The following TRPS1 variants were observed in gnomAD, a reference collection of about 807,000 sequenced individuals.
TRPS1 encodes transcriptional repressor GATA binding 1, also known as zinc finger transcription factor Trps1.
Under a neutral mutation model 101.2 loss-of-function variants are expected in TRPS1, and 6 were observed. That is an observed-to-expected ratio of 0.06 (90% confidence interval 0.03 to 0.12). The LOEUF is 0.12. Ranked by LOEUF, TRPS1 falls within the 10% of genes least tolerant of loss-of-function variation. The pLI, the probability that TRPS1 is intolerant of heterozygous loss-of-function variation, is 1.00. For synonymous variants in TRPS1, 578 were observed against 589.8 expected, an observed-to-expected ratio of 0.98 and a Z score of 0.29; for missense variants, 1,363 against 1,567.0, an observed-to-expected ratio of 0.87 and a Z score of 2.20.
At chr8:115,510,520 G>T (rs1328654955) in intron 5 of TRPS1, among the ~76,000 whole-genome samples, 1 of 151,878 alleles carries the variant, frequency 6.6e-6, no homozygotes, top group Non-Finnish European at 1.5e-5. Context: ...GGCTTCGTCT[G>T]TTAGACCCCC....
At chr8:115,544,948 C>G (rs559226100) in intron 5 of TRPS1, among the ~76,000 whole-genome samples, 1 of 152,090 alleles carries the variant, frequency 6.6e-6, no homozygotes, top group Non-Finnish European at 1.5e-5. Context: ...AAAATTCATA[C>G]TAATAAATAC....
intron 5 of TRPS1, among the ~76,000 whole-genome samples, chr8:115,568,740 T>C (rs1817132422): frequency 6.6e-6 from 1 of 152,110 alleles, no homozygotes; most frequent in Non-Finnish European, 1.5e-5. Flanking sequence ...TTACATAACT[T>C]CAACCATATC....
intron 5 of TRPS1, among the ~76,000 whole-genome samples, chr8:115,568,759 C>T (rs778210443): frequency 2.0e-5 from 3 of 152,062 alleles, no homozygotes; most frequent in Non-Finnish European, 4.4e-5. Context: ...TCAGCAAATA[C>T]ACTTCTTTTA....
chr8:115,577,108 AC>A (rs1817336021), intron 5 of TRPS1, among the ~76,000 whole-genome samples: 1 of 152,202 alleles, frequency 6.6e-6, no homozygotes, highest in Non-Finnish European at 1.5e-5. Context: ...GATTTTGCAA[AC>A]AAATATACTT....
Position 115,476,005 on chromosome 8 carries a change from C to CTTTTTTTT in TRPS1, c.2701-57561_2701-57554dup, listed in dbSNP as rs1169514340. Among the ~76,000 whole-genome samples, 12 of 40,666 alleles carry CTTTTTTTT rather than the reference C, an allele frequency of 3.0e-4. 2 individuals are homozygous for CTTTTTTTT. The highest frequency in any genetic ancestry group is 1.2e-3 in the East Asian group (1 of 802). The allele number at this position is 40,666 out of a possible 152,430, so 26.7% of individuals were successfully genotyped here. A position where few individuals can be genotyped will look rare whatever the true frequency, so the allele number is the denominator to read the frequency against. Reference sequence around the variant, plus strand: ...AAGAGGTGTTCAGAAAATATACTTTCTTTTTTTTTTTTTTTTTTTTTTTTT... The same window carrying CTTTTTTTT: ...AAGAGGTGTTCAGAAAATATACTTTCTTTTTTTTTTTTTTTTTTTTTTTTTTTTTTTTT... On this transcript the variant is annotated intron_variant, in intron 5 of 6. Coordinates refer to ENST00000395715, the MANE Select transcript of TRPS1 (RefSeq NM_014112.5).
chr8:115,608,892 C>T (rs1419699261), intron 3 of TRPS1, among the ~76,000 whole-genome samples: 1 of 147,352 alleles, frequency 6.8e-6, no homozygotes, highest in East Asian at 1.9e-4. Context: ...GTCACCCAGG[C>T]TGGAGTGCAA....
chr8:115,589,807 A>T (rs1173612447), intron 4 of TRPS1, among the ~76,000 whole-genome samples: 1 of 152,158 alleles, frequency 6.6e-6, no homozygotes, highest in East Asian at 1.9e-4. Flanking sequence ...GCTCATCTAC[A>T]AAAGCTTCTT....
chr8:115,528,253 C>T (rs1816048297), intron 5 of TRPS1, among the ~76,000 whole-genome samples: 2 of 152,144 alleles, frequency 1.3e-5, no homozygotes, highest in African/African-American at 2.4e-5. Flanking sequence ...CCCCTTTGTA[C>T]ATAACTATAA....
At chr8:115,453,118 T>C (rs866815825) in intron 5 of TRPS1, among the ~76,000 whole-genome samples, 2 of 151,522 alleles carry the variant, frequency 1.3e-5, no homozygotes, top group South Asian at 4.2e-4. Flanking sequence ...GCCTCCTGGG[T>C]TCAAGCAATT....
chr8:115,638,578 TG>T (rs939130423), intron 1 of TRPS1, among the ~76,000 whole-genome samples: 2 of 152,156 alleles, frequency 1.3e-5, no homozygotes, highest in African/African-American at 4.8e-5. Context: ...AAAGCAAATC[TG>T]GGCAAAACTA....
At chr8:115,539,733 C>G (rs1816406257) in intron 5 of TRPS1, among the ~76,000 whole-genome samples, 1 of 152,126 alleles carries the variant, frequency 6.6e-6, no homozygotes, top group Admixed American at 6.6e-5. Flanking sequence ...TGGCACACAC[C>G]TGTAGTCTCA....
At chr8:115,491,710 A>AAAGCAAGC (rs1024081079) in intron 5 of TRPS1, among the ~76,000 whole-genome samples, 1 of 152,072 alleles carries the variant, frequency 6.6e-6, no homozygotes, top group Non-Finnish European at 1.5e-5. Flanking sequence ...AGAGAGAGAG[A>AAAGCAAGC]AAGCAAGCAA....
rs1351950747 is a variant in TRPS1, at chr8:115,412,460, T to C, written c.*1563A>G. On this transcript the variant is annotated 3_prime_UTR_variant, in exon 7 of 7. Transcript: ENST00000395715. ...TGCATGATGGAATATCTTTGTTGCA[T>C]ACGTACACTGTAGAAAATAATTATT... 2 of 152,556 alleles carry C rather than the reference T, an allele frequency of 1.3e-5. No homozygotes were observed. Among genetic ancestry groups the C allele is most frequent in the Non-Finnish European group, 2.9e-5 (2 of 67,996 alleles). The allele number at this position is 152,556 out of a possible 1,614,324, so 9.5% of individuals were successfully genotyped here.
chr8:115,447,694 A>G (rs1813772459), intron 5 of TRPS1, among the ~76,000 whole-genome samples: 1 of 152,020 alleles, frequency 6.6e-6, no homozygotes, highest in Non-Finnish European at 1.5e-5. Flanking sequence ...TATAATATGA[A>G]ATGTCAGCAA....
At chr8:115,606,728 T>A (rs1166360837) in intron 3 of TRPS1, among the ~76,000 whole-genome samples, 3 of 150,018 alleles carry the variant, frequency 2.0e-5, no homozygotes, top group Non-Finnish European at 4.4e-5. Context: ...TTCATAATAC[T>A]GAAATATAAT....
intron 5 of TRPS1, among the ~76,000 whole-genome samples, chr8:115,453,310 C>T (rs1372601303): frequency 5.3e-5 from 8 of 152,110 alleles, no homozygotes; most frequent in Admixed American, 2.6e-4. Context: ...TGAGCCACCG[C>T]GCCCAGCCCA....
chr8:115,580,425 C>T (rs1056134715), intron 5 of TRPS1, among the ~76,000 whole-genome samples: 1 of 151,900 alleles, frequency 6.6e-6, no homozygotes, highest in African/African-American at 2.4e-5. Flanking sequence ...CACATCAACA[C>T]TACATACCTC....
chr8:115,562,719 C>T (rs1337664190), intron 5 of TRPS1, among the ~76,000 whole-genome samples: 1 of 151,368 alleles, frequency 6.6e-6, no homozygotes, highest in Non-Finnish European at 1.5e-5. Context: ...TATTACCAAA[C>T]AATATAGTGT....
intron 3 of TRPS1, among the ~76,000 whole-genome samples, chr8:115,614,546 T>C (rs535714775): frequency 1.1e-4 from 17 of 152,346 alleles, no homozygotes; most frequent in African/African-American, 4.1e-4. Flanking sequence ...CCTTGCTTTA[T>C]GGCCTTGAGG....
Sources: gnomAD v4.1 joint callset for allele counts (sites outside exome capture counted in the v4.1 genomes callset) on GRCh38, gnomAD v4.1.1 for gene constraint, MANE v1.5 for transcripts, NCBI Gene and HGNC (gene_info 2026-07-23, HGNC 2026-07-21) for gene names.